UST: variants seen among roughly 807,000 people sequenced by gnomAD.
The protein encoded by UST is chondroitin sulfate 2-O-sulfotransferase.
A neutral mutation model predicts 45.6 loss-of-function variants in UST; 21 were observed. The ratio of observed to expected loss-of-function variants is 0.46; its 90% CI spans 0.33 to 0.66. The LOEUF is 0.66. UST is among the 30% of genes least tolerant of loss of function. The pLI is 0.02. For missense variants in UST, 463 were observed against 512.4 expected (o/e 0.90, Z 0.93); for synonymous variants, 215 against 200.6 (o/e 1.07, Z -0.61).
At chr6:148,998,822 G>A (rs896937624) in intron 5 of UST, among the ~76,000 whole-genome samples, 5 of 152,240 alleles carry the variant, frequency 3.3e-5, no homozygotes, top group Non-Finnish European at 5.9e-5. Context: ...TGCCATGTAT[G>A]TGCTGGTCTG....
Position 148,863,667 on chromosome 6 carries a change from A to G in UST, c.248-23319A>G, listed in dbSNP as rs370831596. On this transcript the variant is annotated intron_variant, in intron 1 of 7. Coordinates refer to ENST00000367463, the MANE Select transcript of UST (RefSeq NM_005715.3). ...ACCTTTGGTCTTTGATGATGGTGACATACAGATGGGGTTTTGGTGTGGATG... is the reference window on the plus strand; with the variant it reads ...ACCTTTGGTCTTTGATGATGGTGACGTACAGATGGGGTTTTGGTGTGGATG... Among the ~76,000 whole-genome samples the G allele has an allele frequency of 4.6e-5, 7 of 152,260 alleles. No individual in the cohort carries two copies. In the East Asian group the frequency reaches 1.2e-3, roughly 25 times the overall value.
chr6:149,020,136 G>A (rs1471146888), intron 6 of UST, among the ~76,000 whole-genome samples: 1 of 152,192 alleles, frequency 6.6e-6, no homozygotes, highest in African/African-American at 2.4e-5. Flanking sequence ...CGCATTCATT[G>A]TACCTTTTTG....
In UST at chr6:149,019,119, T is replaced by G. The variant is rs753316442; in HGVS notation, c.682-20T>G. On this transcript the variant is annotated intron_variant, in intron 5 of 7. Coordinates refer to ENST00000367463, the MANE Select transcript of UST (RefSeq NM_005715.3). Reference sequence around the variant, plus strand: ...TTGCAGAGACTACAAGACATCTGACTGCTGTATTTTCTCTTCTAGGATATC... The same window carrying G: ...TTGCAGAGACTACAAGACATCTGACGGCTGTATTTTCTCTTCTAGGATATC... The G allele has an allele frequency of 3.2e-6, 5 of 1,564,646 alleles. No individual in the cohort carries two copies. The South Asian group carries it at 4.4e-5, about 14-fold the overall frequency.
At chr6:148,952,264 G>C (rs1284043838) in intron 3 of UST, among the ~76,000 whole-genome samples, 1 of 152,138 alleles carries the variant, frequency 6.6e-6, no homozygotes, top group Non-Finnish European at 1.5e-5. Context: ...GACCACGCAG[G>C]AAGTTTTACT....
At chr6:148,852,893 C>T (rs1055799861) in intron 1 of UST, among the ~76,000 whole-genome samples, 8 of 152,112 alleles carry the variant, frequency 5.3e-5, no homozygotes, top group African/African-American at 1.7e-4. Context: ...TGCCCAGCAC[C>T]GAGGACAGTG....
intron 1 of UST, among the ~76,000 whole-genome samples, chr6:148,775,563 T>A (rs913033707): frequency 4.6e-5 from 7 of 152,132 alleles, no homozygotes; most frequent in Non-Finnish European, 8.8e-5. Flanking sequence ...TGGGTGTGCA[T>A]ACACACATAC....
At chr6:148,904,368 A>G (rs1381650033) in intron 2 of UST, among the ~76,000 whole-genome samples, 1 of 152,162 alleles carries the variant, frequency 6.6e-6, no homozygotes, top group African/African-American at 2.4e-5. Context: ...GGAAAAGTGC[A>G]ATGTTGTTTA....
At chr6:149,040,231 C>T (rs1366313714) in intron 7 of UST, among the ~76,000 whole-genome samples, 1 of 152,190 alleles carries the variant, frequency 6.6e-6, no homozygotes, top group Non-Finnish European at 1.5e-5. Context: ...TTGTATATCA[C>T]AGTGTCACCC....
intron 5 of UST, among the ~76,000 whole-genome samples, chr6:148,970,511 G>T (rs558498947): frequency 6.0e-4 from 92 of 152,276 alleles, no homozygotes; most frequent in Non-Finnish European, 1.1e-3. Context: ...GTTACAAGGG[G>T]CTTACGAGTC....
chr6:148,993,096 C>T (rs1252197008), intron 5 of UST: 1 of 984,328 alleles, frequency 1.0e-6, no homozygotes, highest in African/African-American at 1.7e-5. Flanking sequence ...GCATTTGTTT[C>T]TAGGTCAGTT....
chr6:148,981,531 T>C (rs146374676), intron 5 of UST, among the ~76,000 whole-genome samples: 6 of 152,350 alleles, frequency 3.9e-5, no homozygotes, highest in Admixed American at 1.3e-4. Context: ...GTGGAGCTTA[T>C]TGCATAGGAA....
intron 4 of UST, among the ~76,000 whole-genome samples, chr6:148,963,026 A>G (rs1780697951): frequency 6.6e-6 from 1 of 152,222 alleles, no homozygotes; most frequent in Non-Finnish European, 1.5e-5. Flanking sequence ...ACTGAGCTAG[A>G]GCGTGTCGTT....
intron 1 of UST, among the ~76,000 whole-genome samples, chr6:148,797,449 A>G (rs967242607): frequency 2.0e-5 from 3 of 152,212 alleles, no homozygotes; most frequent in Admixed American, 1.3e-4. Flanking sequence ...GTGTCAAAAA[A>G]CATTCCTAAT....
chr6:149,017,206 T>A (rs1562330462), intron 5 of UST, among the ~76,000 whole-genome samples: 1 of 151,970 alleles, frequency 6.6e-6, no homozygotes, highest in Non-Finnish European at 1.5e-5. Context: ...TGAAACCCCA[T>A]CTCTACTAAA....
chr6:148,983,033 A>G (rs964669187), intron 5 of UST, among the ~76,000 whole-genome samples: 1 of 152,190 alleles, frequency 6.6e-6, no homozygotes, highest in African/African-American at 2.4e-5. Context: ...TCTGTATTTA[A>G]TTTATTTGCA....
chr6:148,962,946 A>C (rs1780695304), intron 4 of UST, among the ~76,000 whole-genome samples: 1 of 152,276 alleles, frequency 6.6e-6, no homozygotes, highest in South Asian at 2.1e-4. Flanking sequence ...TTAACAACTG[A>C]GAGGCACACA....
intron 1 of UST, among the ~76,000 whole-genome samples, chr6:148,780,264 C>A (rs1027990968): frequency 1.3e-5 from 2 of 152,074 alleles, no homozygotes; most frequent in African/African-American, 4.8e-5. Flanking sequence ...TTTATCAGCA[C>A]CACTTCTCAT....
intron 2 of UST, among the ~76,000 whole-genome samples, chr6:148,928,748 C>T (rs1000446969): frequency 5.9e-5 from 9 of 152,212 alleles, no homozygotes; most frequent in Non-Finnish European, 2.9e-5. Flanking sequence ...AACATGTAGG[C>T]AGTTAAGACA....
intron 1 of UST, among the ~76,000 whole-genome samples, chr6:148,759,647 G>A (rs1776169293): frequency 6.6e-6 from 1 of 151,604 alleles, no homozygotes; most frequent in Non-Finnish European, 1.5e-5. Context: ...AGGAGATCGA[G>A]ACCGTCCTGG....
Sources: gnomAD v4.1 joint callset for allele counts (sites outside exome capture counted in the v4.1 genomes callset) on GRCh38, gnomAD v4.1.1 for gene constraint, MANE v1.5 for transcripts, NCBI Gene and HGNC (gene_info 2026-07-23, HGNC 2026-07-21) for gene names.